AMOTL1: variants seen among roughly 807,000 people sequenced by gnomAD.
AMOTL1 encodes the protein angiomotin like 1.
A neutral mutation model predicts 102.9 loss-of-function variants in AMOTL1; 45 were observed. The ratio of observed to expected loss-of-function variants is 0.44; its 90% CI spans 0.34 to 0.56. AMOTL1 has a LOEUF of 0.56. AMOTL1 is among the 20% of genes least tolerant of loss of function. The probability of loss-of-function intolerance (pLI) is 0.01; values close to 1 mark genes in which losing one functional copy is unlikely to be tolerated. For missense variants in AMOTL1, 1,114 were observed against 1,225.6 expected (o/e 0.91, Z 1.36); for synonymous variants, 481 against 484.7 (o/e 0.99, Z 0.10).
intron 2 of AMOTL1, among the ~76,000 whole-genome samples, chr11:94,737,602 A>G (rs1007257433): frequency 3.3e-5 from 5 of 152,232 alleles, no homozygotes; most frequent in Admixed American, 2.6e-4. Flanking sequence ...CAGGTATTAG[A>G]ACCCAGGTCT....
chr11:94,853,530 G>T (rs1952592266), intron 7 of AMOTL1, among the ~76,000 whole-genome samples: 1 of 152,104 alleles, frequency 6.6e-6, no homozygotes, highest in Non-Finnish European at 1.5e-5. Flanking sequence ...GTACCACATT[G>T]TCTTGGACAT....
chr11:94,731,865 G>T (rs993962049), intron 2 of AMOTL1, among the ~76,000 whole-genome samples: 1 of 152,132 alleles, frequency 6.6e-6, no homozygotes, highest in Admixed American at 6.5e-5. Context: ...GGCTCTGGTG[G>T]TCCATTTACA....
chr11:94,817,781 A>T (rs1951791045), intron 3 of AMOTL1, among the ~76,000 whole-genome samples: 1 of 152,220 alleles, frequency 6.6e-6, no homozygotes, highest in Non-Finnish European at 1.5e-5. Flanking sequence ...AGAATAGAGG[A>T]AAAACTTGCA....
chr11:94,707,844 T>A (rs1168511762), intron 1 of AMOTL1, among the ~76,000 whole-genome samples: 3 of 152,148 alleles, frequency 2.0e-5, no homozygotes, highest in African/African-American at 4.8e-5. Flanking sequence ...TCCATATTAT[T>A]TCTCAAATCC....
intron 6 of AMOTL1, among the ~76,000 whole-genome samples, chr11:94,842,159 C>T (rs1283179701): frequency 1.3e-5 from 2 of 152,164 alleles, no homozygotes; most frequent in Non-Finnish European, 2.9e-5. Flanking sequence ...TGATTATATA[C>T]CAATAGCATC....
rs971306839 is a variant in AMOTL1 at position 94,872,797 on chromosome 11, G to C, written c.*2002G>C. The C allele has an allele frequency of 6.6e-6, 1 of 152,248 alleles. No homozygotes were observed. The highest frequency in any genetic ancestry group is 2.4e-5 in the African/African-American group (1 of 41,418). 9.4% of individuals were successfully genotyped at this position (152,248 alleles called of 1,614,324 possible). ...AGCTCACCCCATGCCATAGGGTGTG[G>C]GAAGAGGGCACAGGAGGCCTCATCC... On this transcript the variant is annotated 3_prime_UTR_variant, in exon 13 of 13. Transcript: ENST00000433060.
intron 1 of AMOTL1, among the ~76,000 whole-genome samples, chr11:94,794,208 A>G (rs1951328251): frequency 6.6e-6 from 1 of 152,236 alleles, no homozygotes; most frequent in Non-Finnish European, 1.5e-5. Flanking sequence ...AAGTTACTTT[A>G]GCTGAAAAGA....
Position 94,830,075 on chromosome 11 carries a change from C to T in AMOTL1, c.1439C>T (p.Ser480Leu), listed in dbSNP as rs1161931337. 48 of 1,601,384 alleles carry T rather than the reference C, an allele frequency of 3.0e-5. No homozygotes were observed. Among genetic ancestry groups the T allele is most frequent in the Middle Eastern group, 1.7e-4 (1 of 6,026 alleles). Residue 480 changes from serine (S) to leucine (L), a missense_variant, in exon 5 of 13, where the codon TCG becomes TTG. By Grantham distance (145) the Ser-to-Leu change is moderately radical (BLOSUM62 -2). Transcript: ENST00000433060. The stretch of plus-strand genomic sequence containing the variant: ...TTTGAAAAAGAACTTCAGAGAATTT[C>T]GGAAGCCTATGAAAGTCTGGTCAAG... ...HKFEKELQRI[S>L]EAYESLVKST...
At chr11:94,823,742 A>G (rs1177400694) in intron 4 of AMOTL1, among the ~76,000 whole-genome samples, 30 of 145,528 alleles carry the variant, frequency 2.1e-4, no homozygotes, top group African/African-American at 7.6e-4. Flanking sequence ...TTTAAGATGG[A>G]GTCTCACTCC....
chr11:94,745,163 C>G (rs1591922967), intron 3 of AMOTL1, among the ~76,000 whole-genome samples: 1 of 151,934 alleles, frequency 6.6e-6, no homozygotes, highest in Non-Finnish European at 1.5e-5. Context: ...CACCCATTAA[C>G]TCGTCATTTA....
chr11:94,868,125 T>A (rs1226836769), intron 11 of AMOTL1, among the ~76,000 whole-genome samples: 1 of 152,232 alleles, frequency 6.6e-6, no homozygotes, highest in Non-Finnish European at 1.5e-5. Context: ...GATCAGGTCT[T>A]CCTTTTAACG....
intron 3 of AMOTL1, among the ~76,000 whole-genome samples, chr11:94,748,801 A>T (rs984303124): frequency 1.3e-5 from 2 of 152,208 alleles, no homozygotes; most frequent in African/African-American, 4.8e-5. Flanking sequence ...TATTTGACCA[A>T]TAAGAAGCAC....
chr11:94,746,149 T>C (rs1950587998), intron 3 of AMOTL1, among the ~76,000 whole-genome samples: 1 of 152,232 alleles, frequency 6.6e-6, no homozygotes, highest in African/African-American at 2.4e-5. Flanking sequence ...GGGGATTTTT[T>C]AAAAGGCAGT....
chr11:94,824,916 T>C (rs907711023), intron 4 of AMOTL1, among the ~76,000 whole-genome samples: 2 of 152,160 alleles, frequency 1.3e-5, no homozygotes, highest in African/African-American at 2.4e-5. Context: ...ATGCATACTG[T>C]GCCAGGAACA....
chr11:94,723,188 G>A (rs1424213122), intron 1 of AMOTL1, among the ~76,000 whole-genome samples: 4 of 152,200 alleles, frequency 2.6e-5, no homozygotes, highest in South Asian at 2.1e-4. Flanking sequence ...CAGTGGGAAC[G>A]GAAGGGTGAA....
In AMOTL1 at chr11:94,768,515, T is replaced by C; in HGVS notation, c.4T>C (p.Trp2Arg). The C allele has an allele frequency of 6.2e-7, 1 of 1,601,194 alleles. No individual in the cohort carries two copies. Among genetic ancestry groups the C allele is most frequent in the South Asian group, 1.1e-5 (1 of 88,274 alleles). The stretch of plus-strand genomic sequence containing the variant: ...CTGAACTAGCCATGATCGCCTCATG[T>C]GGAGGGCAAAGTTGCGCCGGGGAAC... M[W>R]RAKLRRGTCE... is the part of the protein sequence containing the mutation. The change falls in exon 1 of 13, where the codon TGG (tryptophan) becomes CGG (arginine). Residue 2 changes from tryptophan to arginine, a missense_variant. Transcript: ENST00000433060.
chr11:94,801,428 G>A (rs1951476485), intron 3 of AMOTL1, among the ~76,000 whole-genome samples: 1 of 152,176 alleles, frequency 6.6e-6, no homozygotes, highest in East Asian at 1.9e-4. Flanking sequence ...CGGTCTCTGG[G>A]TGTCGTATTA....
chr11:94,785,736 G>A (rs575030648), intron 1 of AMOTL1, among the ~76,000 whole-genome samples: 8 of 152,198 alleles, frequency 5.3e-5, no homozygotes, highest in Non-Finnish European at 7.3e-5. Context: ...GGAGGAATCC[G>A]TGGCAGACAG....
At chr11:94,759,628 C>G (rs1950767896) in intron 3 of AMOTL1, among the ~76,000 whole-genome samples, 2 of 147,838 alleles carry the variant, frequency 1.4e-5, no homozygotes, top group Non-Finnish European at 3.0e-5. Flanking sequence ...AATCTTGAAT[C>G]TTGGCTCTGT....
Sources: gnomAD v4.1 joint callset for allele counts (sites outside exome capture counted in the v4.1 genomes callset) on GRCh38, gnomAD v4.1.1 for gene constraint, MANE v1.5 for transcripts, NCBI Gene and HGNC (gene_info 2026-07-23, HGNC 2026-07-21) for gene names.